Variants in NUDCD3 observed in about 807,000 individuals in gnomAD.
The protein encoded by NUDCD3 is NudC domain containing 3, also known as nudC domain-containing protein 3.
A neutral mutation model predicts 39.7 loss-of-function variants in NUDCD3; 13 were observed. That is an observed-to-expected ratio of 0.33 (90% CI 0.21 to 0.52). NUDCD3 has a LOEUF of 0.52. Among genes scored for constraint, NUDCD3 ranks in the 20% least tolerant of loss-of-function variants. NUDCD3 has a pLI of 0.96. For synonymous variants in NUDCD3, 175 were observed against 172.4 expected (o/e 1.02, Z -0.12); for missense variants, 453 against 458.1 (o/e 0.99, Z 0.10).
At chr7:44,451,652 G>C (rs1017285879) in intron 2 of NUDCD3, among the ~76,000 whole-genome samples, 1 of 152,204 alleles carries the variant, frequency 6.6e-6, no homozygotes, top group African/African-American at 2.4e-5. Context: ...GCAGCAGGAG[G>C]GGGTCCGAAG....
intron 2 of NUDCD3, among the ~76,000 whole-genome samples, chr7:44,476,815 C>T (rs1005398218): frequency 6.6e-5 from 10 of 152,144 alleles, no homozygotes; most frequent in African/African-American, 1.7e-4. Flanking sequence ...AAAGGAATAA[C>T]GTAAAATGAA....
At chr7:44,488,338 GAAAAAAAA>G (rs368893785) in intron 1 of NUDCD3, among the ~76,000 whole-genome samples, 1 of 108,252 alleles carries the variant, frequency 9.2e-6, no homozygotes, top group African/African-American at 3.5e-5. Context: ...CCATCTCCAG[GAAAAAAAA>G]AAAAAAAAAA....
At chr7:44,388,545 A>G (rs763647219) in intron 5 of NUDCD3, among the ~76,000 whole-genome samples, 3 of 152,238 alleles carry the variant, frequency 2.0e-5, no homozygotes, top group Non-Finnish European at 2.9e-5. Context: ...AAGCCTCCAT[A>G]TGCTGCAGAC....
chr7:44,482,715 A>G (rs1288696107), intron 2 of NUDCD3, among the ~76,000 whole-genome samples: 1 of 152,244 alleles, frequency 6.6e-6, no homozygotes, highest in Admixed American at 6.5e-5. Context: ...CTAGCATCCA[A>G]TAAAAAATTA....
At chr7:44,485,532 TA>T in intron 1 of NUDCD3, 1 of 452,230 alleles carries the variant, frequency 2.2e-6, no homozygotes, top group South Asian at 3.7e-5. Context: ...TTTACATACC[TA>T]AAAGATGTAC....
At chr7:44,402,919 C>A in intron 4 of NUDCD3, 1 of 250,476 alleles carries the variant, frequency 4.0e-6, no homozygotes, top group Non-Finnish European at 8.2e-6. Context: ...ACGTGAAGCT[C>A]AAGTGAGGGA....
At chr7:44,393,716 G>A (rs1798565135) in intron 4 of NUDCD3, among the ~76,000 whole-genome samples, 1 of 152,172 alleles carries the variant, frequency 6.6e-6, no homozygotes, top group African/African-American at 2.4e-5. Context: ...TAAACCACTA[G>A]GTGCTCACAG....
chr7:44,448,187 C>T (rs761163729), intron 2 of NUDCD3, among the ~76,000 whole-genome samples: 1 of 152,170 alleles, frequency 6.6e-6, no homozygotes, highest in Non-Finnish European at 1.5e-5. Context: ...CTCTCATTTC[C>T]TTTGCTGCAC....
chr7:44,436,874 C>A (rs1043970127), intron 2 of NUDCD3, among the ~76,000 whole-genome samples: 1 of 152,102 alleles, frequency 6.6e-6, no homozygotes, highest in African/African-American at 2.4e-5. Context: ...TTAAAGACGT[C>A]TATCTGGTCA....
At chr7:44,421,995 C>A (rs1254179262) in intron 3 of NUDCD3, among the ~76,000 whole-genome samples, 1 of 152,148 alleles carries the variant, frequency 6.6e-6, no homozygotes, top group Non-Finnish European at 1.5e-5. Context: ...CACTCAAAAC[C>A]GCACAACTAC....
At chr7:44,393,911 G>A (rs1448418453) in intron 4 of NUDCD3, among the ~76,000 whole-genome samples, 2 of 152,130 alleles carry the variant, frequency 1.3e-5, no homozygotes, top group Non-Finnish European at 2.9e-5. Flanking sequence ...GGGAGCACTG[G>A]AGACTCACCA....
intron 2 of NUDCD3, among the ~76,000 whole-genome samples, chr7:44,465,723 T>G (rs2116956051): frequency 6.6e-6 from 1 of 152,228 alleles, no homozygotes; most frequent in African/African-American, 2.4e-5. Flanking sequence ...CCTCACTGTG[T>G]AGAGCAGAAC....
Position 44,404,455 on chromosome 7 carries a change from G to C in NUDCD3, c.771C>G (p.Pro257=), listed in dbSNP as rs746103964. 3.1e-6 allele frequency: 5 copies of C among 1,614,000 alleles called. No individual in the cohort carries two copies. Among genetic ancestry groups the C allele is most frequent in the Middle Eastern group, 1.6e-4 (1 of 6,062 alleles). Residue 257 remains proline (P), a synonymous_variant, in exon 4 of 6, where the codon CCC becomes CCG. Coordinates refer to ENST00000355451, the MANE Select transcript of NUDCD3 (RefSeq NM_015332.4). ...CCAAACTTACCAAAACGCACTTCCC[G>C]GGCTCGAGACTCCAGAGAGAACTCT... ...NTESSLWSLE[P]GKCVLVNLSK...
At chr7:44,405,305 C>G (rs144178190) in intron 3 of NUDCD3, among the ~76,000 whole-genome samples, 1 of 152,222 alleles carries the variant, frequency 6.6e-6, no homozygotes, top group South Asian at 2.1e-4. Context: ...CCTTCCCCAC[C>G]GCCCTAGGAA....
chr7:44,400,122 G>A (rs1798694539), intron 4 of NUDCD3, among the ~76,000 whole-genome samples: 1 of 152,248 alleles, frequency 6.6e-6, no homozygotes, highest in South Asian at 2.1e-4. Context: ...GGAGGATGGT[G>A]CGCATGCCAA....
intron 2 of NUDCD3, among the ~76,000 whole-genome samples, chr7:44,435,019 A>G (rs890985894): frequency 6.6e-6 from 1 of 152,234 alleles, no homozygotes; most frequent in Non-Finnish European, 1.5e-5. Context: ...TTTTATGACT[A>G]TGGGATGATT....
chr7:44,486,437 G>A (rs1585112697), intron 1 of NUDCD3, among the ~76,000 whole-genome samples: 1 of 151,986 alleles, frequency 6.6e-6, no homozygotes, highest in African/African-American at 2.4e-5. Flanking sequence ...TACGTAACTT[G>A]CCCCAGCTCC....
At chr7:44,399,398 G>A (rs1389301436) in intron 4 of NUDCD3, among the ~76,000 whole-genome samples, 1 of 152,196 alleles carries the variant, frequency 6.6e-6, no homozygotes, top group African/African-American at 2.4e-5. Flanking sequence ...TCCAGGCTCT[G>A]GGCTCTTGCC....
chr7:44,480,215 C>G (rs920462371), intron 2 of NUDCD3, among the ~76,000 whole-genome samples: 2 of 152,128 alleles, frequency 1.3e-5, no homozygotes, highest in Admixed American at 1.3e-4. Context: ...AGTAGCTATT[C>G]TAGTCTATTA....
Sources: gnomAD v4.1 joint callset for allele counts (sites outside exome capture counted in the v4.1 genomes callset) on GRCh38, gnomAD v4.1.1 for gene constraint, MANE v1.5 for transcripts, NCBI Gene and HGNC (gene_info 2026-07-23, HGNC 2026-07-21) for gene names.